The following LPP variants were observed in gnomAD, a reference collection of about 807,000 sequenced individuals.
The protein encoded by LPP is LIM domain containing preferred translocation partner in lipoma.
In LPP, 38 loss-of-function variants were observed where a neutral mutation model predicts 60.4. That is an observed-to-expected ratio of 0.63 (90% CI 0.49 to 0.83). The LOEUF is 0.83. Among genes scored for constraint, LPP ranks in the 40% least tolerant of loss-of-function variants. LPP has a pLI of 0.00. For missense variants in LPP, 902 were observed against 783.6 expected, an observed-to-expected ratio of 1.15 and a Z score of -1.80; for synonymous variants, 328 against 290.8, an observed-to-expected ratio of 1.13 and a Z score of -1.30.
intron 4 of LPP, among the ~76,000 whole-genome samples, chr3:188,406,751 A>G (rs1783591652): frequency 6.6e-6 from 1 of 152,362 alleles, no homozygotes; most frequent in Middle Eastern, 3.4e-3. Flanking sequence ...AGTGCATGGA[A>G]TTGTTTACCT....
intron 3 of LPP, among the ~76,000 whole-genome samples, chr3:188,383,096 T>A (rs1777327286): frequency 6.6e-6 from 1 of 152,272 alleles, no homozygotes; most frequent in Non-Finnish European, 1.5e-5. Context: ...TAAGGCATAC[T>A]GGTGTTATGC....
chr3:188,392,779 G>A (rs1167876734), intron 3 of LPP, among the ~76,000 whole-genome samples: 1 of 152,036 alleles, frequency 6.6e-6, no homozygotes, highest in Non-Finnish European at 1.5e-5. Flanking sequence ...AAAAGGAGGT[G>A]GTCCTGGAAT....
intron 1 of LPP, chr3:188,212,665 C>T (rs1711717921): frequency 1.3e-5 from 2 of 151,724 alleles, no homozygotes; most frequent in Admixed American, 6.6e-5. Flanking sequence ...ACCCTTCCCC[C>T]TTCATTCCTC....
At chr3:188,291,698 G>C (rs1051231272) in intron 2 of LPP, among the ~76,000 whole-genome samples, 2 of 151,092 alleles carry the variant, frequency 1.3e-5, no homozygotes, top group Non-Finnish European at 2.9e-5. Flanking sequence ...CTTACCTTGT[G>C]TGGGGGGCTT....
intron 7 of LPP, among the ~76,000 whole-genome samples, chr3:188,648,019 G>C (rs1188034431): frequency 6.6e-6 from 1 of 152,138 alleles, no homozygotes; most frequent in African/African-American, 2.4e-5. Context: ...TCTGCTTGTT[G>C]TGAGGTTCAA....
At chr3:188,156,044 A>G (rs1218645695) in intron 1 of LPP, among the ~76,000 whole-genome samples, 2 of 152,046 alleles carry the variant, frequency 1.3e-5, no homozygotes, top group Admixed American at 1.3e-4. Context: ...AACAACAAAC[A>G]AAGGAGAGTG....
rs868568318 is a variant in LPP, at chr3:188,369,174, C to G, written c.-10+27455C>G. Reference sequence around the variant, plus strand: ...CATAGACAGAAAAGGAAGGTCAGATCCAAGGTAGATCTTTCTTTCTGCTAG... The same window carrying G: ...CATAGACAGAAAAGGAAGGTCAGATGCAAGGTAGATCTTTCTTTCTGCTAG... On this transcript the variant is annotated intron_variant, in intron 3 of 11. Coordinates refer to ENST00000617246, the MANE Select transcript of LPP (RefSeq NM_001375462.1). Among the ~76,000 whole-genome samples, 14 of 152,218 alleles carry G rather than the reference C, an allele frequency of 9.2e-5. No individual in the cohort carries two copies. The Middle Eastern group carries it at 0.017, about 185-fold the overall frequency.
At chr3:188,238,986 A>G (rs189332065) in intron 2 of LPP, among the ~76,000 whole-genome samples, 1 of 152,390 alleles carries the variant, frequency 6.6e-6, no homozygotes, top group Admixed American at 6.5e-5. Flanking sequence ...ATGCTCAGGA[A>G]AAAATAAATT....
intron 7 of LPP, among the ~76,000 whole-genome samples, chr3:188,680,975 A>G (rs1859355030): frequency 6.7e-6 from 1 of 149,338 alleles, no homozygotes; most frequent in Admixed American, 6.7e-5. Context: ...CCCCAGCTCT[A>G]TCTTCCCAGG....
intron 7 of LPP, among the ~76,000 whole-genome samples, chr3:188,646,705 T>G (rs1247954179): frequency 1.3e-5 from 2 of 152,206 alleles, no homozygotes; most frequent in African/African-American, 4.8e-5. Flanking sequence ...TCTTAAATGT[T>G]CCTTAGAAAT....
chr3:188,216,479 C>T (rs1439056346), intron 1 of LPP, among the ~76,000 whole-genome samples: 2 of 152,134 alleles, frequency 1.3e-5, no homozygotes, highest in African/African-American at 4.8e-5. Flanking sequence ...CCATGTTGAC[C>T]AGGCTGGTTT....
intron 9 of LPP, among the ~76,000 whole-genome samples, chr3:188,811,790 G>T (rs747051174): frequency 6.6e-6 from 1 of 152,070 alleles, no homozygotes; most frequent in Non-Finnish European, 1.5e-5. Flanking sequence ...ACACTGAAAC[G>T]TTTGAGTATT....
At chr3:188,711,455 A>G (rs1711507110) in intron 8 of LPP, 1 of 152,176 alleles carries the variant, frequency 6.6e-6, no homozygotes, top group Non-Finnish European at 1.5e-5. Context: ...TTTACACACC[A>G]CACTGTAAAA....
At chr3:188,386,680 T>C (rs1778397113) in intron 3 of LPP, among the ~76,000 whole-genome samples, 1 of 152,160 alleles carries the variant, frequency 6.6e-6, no homozygotes, top group Non-Finnish European at 1.5e-5. Flanking sequence ...CCAAAGCCAG[T>C]TTTCCCCTTC....
intron 4 of LPP, among the ~76,000 whole-genome samples, chr3:188,455,907 A>G (rs964190063): frequency 1.3e-5 from 2 of 152,070 alleles, no homozygotes; most frequent in African/African-American, 2.4e-5. Context: ...TTATTTGTTT[A>G]TTTTAGAGAC....
At chr3:188,580,590 GT>G (rs1835843767) in intron 6 of LPP, among the ~76,000 whole-genome samples, 1 of 152,140 alleles carries the variant, frequency 6.6e-6, no homozygotes, top group Non-Finnish European at 1.5e-5. Context: ...AGCAGTATTT[GT>G]TGTATTTAGG....
chr3:188,427,160 C>T (rs927303644), intron 4 of LPP, among the ~76,000 whole-genome samples: 5 of 152,156 alleles, frequency 3.3e-5, no homozygotes. Flanking sequence ...GTTGAGAAAA[C>T]CTCTCAGTGT....
intron 4 of LPP, among the ~76,000 whole-genome samples, chr3:188,475,883 A>G (rs887514986): frequency 1.3e-5 from 2 of 152,218 alleles, no homozygotes; most frequent in African/African-American, 4.8e-5. Flanking sequence ...AGCCTGGGCG[A>G]CAGAGCAAAA....
At position 188,524,719 on chromosome 3, in the gene LPP, A is replaced by G; in HGVS notation, c.361A>G (p.Ile121Val). ...GAGGCGCTCCAGCCTGGACGCTGAG[A>G]TTGACTCCTTGACCAGCATCTTGGC... ...EERRSSLDAE[I>V]DSLTSILADL... The change falls in exon 6 of 12, where the codon ATT (isoleucine) becomes GTT (valine). Residue 121 changes from isoleucine to valine, a missense_variant. Transcript: ENST00000617246. 6.2e-7 allele frequency: 1 copy of G among 1,614,126 alleles called. No individual in the cohort carries two copies. The highest frequency in any genetic ancestry group is 1.1e-5 in the South Asian group (1 of 91,082).
Sources: gnomAD v4.1 joint callset for allele counts (sites outside exome capture counted in the v4.1 genomes callset) on GRCh38, gnomAD v4.1.1 for gene constraint, MANE v1.5 for transcripts, NCBI Gene and HGNC (gene_info 2026-07-23, HGNC 2026-07-21) for gene names.